PAK1: variants seen among roughly 807,000 people sequenced by gnomAD.
The protein encoded by PAK1 is p21 (RAC1) activated kinase 1.
In PAK1, 29 loss-of-function variants were observed where a neutral mutation model predicts 67.4. That is an observed-to-expected ratio of 0.43 (90% CI 0.32 to 0.59). The LOEUF (loss-of-function observed/expected upper bound fraction) is 0.59. Among genes scored for constraint, PAK1 ranks in the 20% least tolerant of loss-of-function variants. The probability of loss-of-function intolerance (pLI) is 0.07; values close to 1 mark genes in which losing one functional copy is unlikely to be tolerated. For missense variants in PAK1, 337 were observed against 670.7 expected (o/e 0.50, Z 5.50); for synonymous variants, 223 against 237.4 (o/e 0.94, Z 0.56).
At chr11:77,504,738 G>A in the PAK1 span, among the ~76,000 whole-genome samples, 1 of 152,210 alleles carries the variant, frequency 6.6e-6, no homozygotes, top group African/African-American at 2.4e-5. Context: ...GATTGCTGAG[G>A]TAGGGACTTG....
the PAK1 span, among the ~76,000 whole-genome samples, chr11:77,511,094 T>C: frequency 1.8e-3 from 275 of 152,322 alleles, 1 homozygote; most frequent in South Asian, 2.9e-3. Context: ...TATACAGTAT[T>C]TGGCAATCCT....
intron 1 of PAK1, among the ~76,000 whole-genome samples, chr11:77,428,022 A>C (rs1450663292): frequency 1.3e-5 from 2 of 152,232 alleles, no homozygotes; most frequent in East Asian, 1.9e-4. Context: ...GTTGGAGTGC[A>C]CAGTATACCA....
chr11:77,437,229 T>C (rs568165583), intron 1 of PAK1, among the ~76,000 whole-genome samples: 2 of 152,306 alleles, frequency 1.3e-5, no homozygotes, highest in South Asian at 2.1e-4. Flanking sequence ...CACAGAGTGA[T>C]TGTAAGTATT....
rs757158856 is a variant in PAK1 at position 77,392,310 on chromosome 11, G to C, written c.190+21C>G. 6 of 1,491,034 alleles carry C rather than the reference G, an allele frequency of 4.0e-6. No homozygotes were observed. The South Asian group carries it at 7.8e-5, about 19-fold the overall frequency. The allele number at this position is 1,491,034 out of a possible 1,614,324, so 92.4% of individuals were successfully genotyped here. On this transcript the variant is annotated intron_variant, in intron 2 of 14. Coordinates refer to ENST00000356341, the MANE Select transcript of PAK1 (RefSeq NM_002576.5). ...TTTTTTTAAAGCATATAAATGATGAGAAGAAAATCAAATACTATACTTTTA... is the reference window on the plus strand; with the variant it reads ...TTTTTTTAAAGCATATAAATGATGACAAGAAAATCAAATACTATACTTTTA...
intron 8 of PAK1, among the ~76,000 whole-genome samples, chr11:77,352,394 C>T (rs1448047128): frequency 1.3e-5 from 2 of 152,138 alleles, no homozygotes; most frequent in Non-Finnish European, 2.9e-5. Context: ...TGTCACATAA[C>T]GACGTTTCAG....
chr11:77,415,303 T>G (rs1014826224), intron 1 of PAK1, among the ~76,000 whole-genome samples: 1 of 152,226 alleles, frequency 6.6e-6, no homozygotes, highest in Non-Finnish European at 1.5e-5. Context: ...ACAACCACTT[T>G]GGAAGACAGT....
chr11:77,331,183 G>A (rs1298799902), intron 14 of PAK1, among the ~76,000 whole-genome samples: 1 of 152,034 alleles, frequency 6.6e-6, no homozygotes, highest in Non-Finnish European at 1.5e-5. Flanking sequence ...TTACACTGTT[G>A]GTGGGAGTGT....
chr11:77,422,370 G>A (rs766754641), intron 1 of PAK1, among the ~76,000 whole-genome samples: 17 of 152,048 alleles, frequency 1.1e-4, no homozygotes, highest in African/African-American at 3.6e-4. Context: ...AGACCAGCCC[G>A]GCTAACATGG....
chr11:77,422,083 C>A (rs1450047219), intron 1 of PAK1, among the ~76,000 whole-genome samples: 1 of 152,108 alleles, frequency 6.6e-6, no homozygotes, highest in African/African-American at 2.4e-5. Context: ...AACACTTATC[C>A]AATTTACTGA....
chr11:77,399,806 C>T (rs1246311706), intron 1 of PAK1, among the ~76,000 whole-genome samples: 1 of 112,042 alleles, frequency 8.9e-6, no homozygotes, highest in Non-Finnish European at 1.7e-5. Context: ...TTGCAGTGAG[C>T]CGAGATCCCG....
intron 5 of PAK1, among the ~76,000 whole-genome samples, chr11:77,373,792 A>G (rs907055974): frequency 6.6e-6 from 1 of 152,180 alleles, no homozygotes; most frequent in Non-Finnish European, 1.5e-5. Flanking sequence ...ACTTCAGAGG[A>G]CAGAATGAAT....
At chr11:77,426,263 A>T (rs1955541420) in intron 1 of PAK1, among the ~76,000 whole-genome samples, 1 of 151,930 alleles carries the variant, frequency 6.6e-6, no homozygotes, top group South Asian at 2.1e-4. Context: ...CTCTGATCAC[A>T]ATATGAAGGT....
In PAK1 at chr11:77,413,861, C is replaced by T. The variant is rs566940179; in HGVS notation, c.-21-21320G>A. ...ACCATGTCCTTCATCCCAATTTACA[C>T]AGGGTGAATGAGAGCCAGAAGCAGT... is the stretch of plus-strand genomic sequence containing the variant. On this transcript the variant is annotated intron_variant, in intron 1 of 14. Coordinates refer to ENST00000356341, the MANE Select transcript of PAK1 (RefSeq NM_002576.5). Among the ~76,000 whole-genome samples, 4 of 152,242 alleles carry T rather than the reference C, an allele frequency of 2.6e-5. No individual in the cohort carries two copies. In the East Asian group the frequency reaches 7.7e-4, roughly 29 times the overall value.
the PAK1 span, among the ~76,000 whole-genome samples, chr11:77,506,462 T>C: frequency 6.6e-6 from 1 of 152,132 alleles, no homozygotes; most frequent in Non-Finnish European, 1.5e-5. Context: ...AAGGACAAGG[T>C]AAGGAATTTA....
At chr11:77,427,024 T>A (rs1215644319) in intron 1 of PAK1, among the ~76,000 whole-genome samples, 1 of 152,120 alleles carries the variant, frequency 6.6e-6, no homozygotes, top group Non-Finnish European at 1.5e-5. Context: ...GGGTTGGTAG[T>A]GGGATCTAAA....
chr11:77,340,139 T>C (rs2136231038), intron 11 of PAK1, among the ~76,000 whole-genome samples: 1 of 152,304 alleles, frequency 6.6e-6, no homozygotes, highest in East Asian at 1.9e-4. Context: ...TTACCCTAGA[T>C]TTTTGCTGGC....
chr11:77,516,869 G>A, the PAK1 span, among the ~76,000 whole-genome samples: 17 of 150,142 alleles, frequency 1.1e-4, no homozygotes, highest in East Asian at 1.2e-3. Flanking sequence ...AGCTGGATGC[G>A]GTAGCACATT....
intron 1 of PAK1, among the ~76,000 whole-genome samples, chr11:77,457,931 T>G (rs892543269): frequency 2.6e-5 from 4 of 152,218 alleles, no homozygotes; most frequent in Non-Finnish European, 5.9e-5. Flanking sequence ...CCAAGTCCCT[T>G]CAATTATTAT....
At chr11:77,342,773 C>T (rs1286126836) in intron 10 of PAK1, among the ~76,000 whole-genome samples, 2 of 152,146 alleles carry the variant, frequency 1.3e-5, no homozygotes, top group South Asian at 2.1e-4. Context: ...CTACCAGTAA[C>T]AGGAAGAGGT....
Sources: gnomAD v4.1 joint callset for allele counts (sites outside exome capture counted in the v4.1 genomes callset) on GRCh38, gnomAD v4.1.1 for gene constraint, MANE v1.5 for transcripts, NCBI Gene and HGNC (gene_info 2026-07-23, HGNC 2026-07-21) for gene names.